The following RANBP2 variants were observed in gnomAD, a reference collection of about 807,000 sequenced individuals.
The protein encoded by RANBP2 is RAN binding protein 2.
In RANBP2, 57 loss-of-function variants were observed where a neutral mutation model predicts 303.6. The ratio of observed to expected loss-of-function variants is 0.19; its 90% CI spans 0.15 to 0.23. The LOEUF (loss-of-function observed/expected upper bound fraction) is 0.23. Ranked by LOEUF, RANBP2 falls within the 10% of genes least tolerant of loss-of-function variation. The pLI is 1.00. For synonymous variants in RANBP2, 1,167 were observed against 1,301.5 expected, an observed-to-expected ratio of 0.90 and a Z score of 2.23; for missense variants, 3,138 against 3,780.8, an observed-to-expected ratio of 0.83 and a Z score of 4.46.
At chr2:109,359,827 C>T in the RANBP2 span, among the ~76,000 whole-genome samples, 2 of 152,162 alleles carry the variant, frequency 1.3e-5, no homozygotes, top group African/African-American at 4.8e-5. Context: ...TTATTTTCCA[C>T]ACATGCCCAG....
rs779976527 is a variant in RANBP2 at position 108,766,439 on chromosome 2, A to G, written c.5900A>G (p.Asn1967Ser). The change falls in exon 20 of 29, where the codon AAT (asparagine) becomes AGT (serine). Residue 1967 changes from asparagine (N) to serine (S), a missense_variant. Physicochemically the swap from Asn to Ser is conservative, Grantham distance 46. Around this residue, in one of 20 missense-constraint regions of RANBP2, gnomAD observed 348 missense variants for 360.4 expected, o/e 0.97. Transcript: ENST00000283195. ...TTTCAGTTTGGCAAAAAAGACCCCAATTTCAAGGGATTTTCAGGTGCTGGA... is the reference window on the plus strand; with the variant it reads ...TTTCAGTTTGGCAAAAAAGACCCCAGTTTCAAGGGATTTTCAGGTGCTGGA... ...EGFQFGKKDP[N>S]FKGFSGAGEK... 5 of 1,611,982 alleles carry G rather than the reference A, an allele frequency of 3.1e-6. No homozygotes were observed. In the African/African-American group the frequency reaches 6.7e-5, roughly 22 times the overall value.
the RANBP2 span, chr2:109,419,430 G>A: frequency 4.3e-6 from 5 of 1,162,870 alleles, no homozygotes; most frequent in Non-Finnish European, 6.1e-6. Context: ...AAACAGCCAG[G>A]CAGCTGGCGA....
At chr2:109,346,401 C>T in the RANBP2 span, among the ~76,000 whole-genome samples, 8 of 152,168 alleles carry the variant, frequency 5.3e-5, no homozygotes, top group Non-Finnish European at 1.0e-4. Flanking sequence ...TTTTGTGCTT[C>T]TATTGATTGA....
chr2:109,650,065 G>A, the RANBP2 span, among the ~76,000 whole-genome samples: 1 of 152,128 alleles, frequency 6.6e-6, no homozygotes, highest in Non-Finnish European at 1.5e-5. Context: ...CAGTAATATG[G>A]GTGACTTTCT....
chr2:108,767,383 G>T lies in RANBP2; in HGVS notation c.6844G>T (p.Ala2282Ser), dbSNP rs762456750. The change falls in exon 20 of 29, where the codon GCC becomes TCC. Residue 2282 changes from alanine to serine, a missense_variant. By Grantham distance (99) the Ala-to-Ser change is moderately conservative. Around this residue, in one of 20 missense-constraint regions of RANBP2, gnomAD observed 72 missense variants for 86.8 expected, o/e 0.83. Coordinates refer to ENST00000283195, the MANE Select transcript of RANBP2 (RefSeq NM_006267.5). ...KSALSPSKSP[A>S]KLNQSGTSVG... is the part of the protein sequence containing the mutation. ...TGCTTTGAGTCCATCTAAGTCTCCT[G>T]CCAAGTTGAATCAGAGTGGGACTTC... is the stretch of plus-strand genomic sequence containing the variant. The T allele has an allele frequency of 1.4e-5, 22 of 1,611,834 alleles. No individual in the cohort carries two copies. The highest frequency in any genetic ancestry group is 8.8e-5 in the South Asian group (8 of 90,992).
chr2:109,051,064 T>C, the RANBP2 span, among the ~76,000 whole-genome samples: 5 of 152,214 alleles, frequency 3.3e-5, no homozygotes, highest in African/African-American at 1.2e-4. Flanking sequence ...TCCCATACCA[T>C]TCTGCTCTGA....
the RANBP2 span, among the ~76,000 whole-genome samples, chr2:109,215,697 C>T: frequency 1.3e-5 from 2 of 152,264 alleles, no homozygotes; most frequent in Non-Finnish European, 2.9e-5. Flanking sequence ...AATCCTACAC[C>T]CAGACCGTGT....
chr2:109,553,853 C>CA, the RANBP2 span, among the ~76,000 whole-genome samples: 261 of 105,388 alleles, frequency 2.5e-3, no homozygotes, highest in Admixed American at 5.5e-3. Flanking sequence ...GACTCTGTCT[C>CA]AAAAAAAAAA....
At chr2:109,163,727 C>G in the RANBP2 span, among the ~76,000 whole-genome samples, 1 of 152,150 alleles carries the variant, frequency 6.6e-6, no homozygotes, top group Non-Finnish European at 1.5e-5. Flanking sequence ...GGAGACTTCA[C>G]GATTCCACAG....
At chr2:109,292,461 A>T in the RANBP2 span, among the ~76,000 whole-genome samples, 43 of 152,358 alleles carry the variant, frequency 2.8e-4, no homozygotes, top group African/African-American at 1.0e-3. Context: ...AGGATATTTC[A>T]TAGCTGTGGA....
the RANBP2 span, chr2:108,912,655 C>T: frequency 1.8e-5 from 28 of 1,563,176 alleles, no homozygotes; most frequent in Admixed American, 9.4e-5. Context: ...TCCAGGTGAT[C>T]GATACCTGAG....
the RANBP2 span, among the ~76,000 whole-genome samples, chr2:109,144,018 A>G: frequency 1.3e-5 from 2 of 152,238 alleles, no homozygotes; most frequent in Admixed American, 1.3e-4. Flanking sequence ...ATAGAAGCAG[A>G]TAGTAGAAAG....
At chr2:108,768,417 C>G in intron 20 of RANBP2, 29 bp downstream of exon 20, 1 of 1,609,150 alleles carries the variant, frequency 6.2e-7, no homozygotes, top group Non-Finnish European at 8.5e-7. Context: ...AAGTTAAGCA[C>G]AATTTTTCTT....
the RANBP2 span, among the ~76,000 whole-genome samples, chr2:108,900,720 A>G: frequency 6.6e-6 from 1 of 152,246 alleles, no homozygotes; most frequent in African/African-American, 2.4e-5. Context: ...ATGGAAAAAT[A>G]CATATCATGC....
At chr2:109,266,276 T>C in the RANBP2 span, among the ~76,000 whole-genome samples, 4 of 151,430 alleles carry the variant, frequency 2.6e-5, no homozygotes, top group Non-Finnish European at 4.4e-5. Flanking sequence ...GCATGTGTTA[T>C]TTGCATGTTT....
the RANBP2 span, among the ~76,000 whole-genome samples, chr2:109,670,137 C>T: frequency 6.6e-6 from 1 of 152,198 alleles, no homozygotes; most frequent in Non-Finnish European, 1.5e-5. Context: ...GCTACAGCTG[C>T]AGAAGAGCCT....
At chr2:109,625,596 G>A in the RANBP2 span, among the ~76,000 whole-genome samples, 2 of 152,064 alleles carry the variant, frequency 1.3e-5, no homozygotes, top group African/African-American at 4.8e-5. Context: ...AACTCGGGAG[G>A]TGGAGGTTGC....
chr2:109,161,663 G>A, the RANBP2 span, among the ~76,000 whole-genome samples: 2 of 151,912 alleles, frequency 1.3e-5, no homozygotes, highest in African/African-American at 2.4e-5. Context: ...TGTGGAAGGC[G>A]AAGGGGAGCT....
At chr2:109,116,058 T>C in the RANBP2 span, among the ~76,000 whole-genome samples, 10 of 152,362 alleles carry the variant, frequency 6.6e-5, no homozygotes, top group African/African-American at 1.9e-4. Context: ...CTGTTTGCCC[T>C]TAACATTTTT....
Sources: gnomAD v4.1 joint callset for allele counts (sites outside exome capture counted in the v4.1 genomes callset) on GRCh38, gnomAD v4.1.1 for gene constraint, gnomAD v4.1.1 regional missense constraint, MANE v1.5 for transcripts, NCBI Gene and HGNC (gene_info 2026-07-23, HGNC 2026-07-21) for gene names.